Variants in RIMS2 observed in about 807,000 individuals in gnomAD.
RIMS2 encodes regulating synaptic membrane exocytosis protein 2.
In RIMS2, 59 loss-of-function variants were observed where a neutral mutation model predicts 174.4. That is an observed-to-expected ratio of 0.34 (90% CI 0.27 to 0.42). RIMS2 has a LOEUF of 0.42. Among genes scored for constraint, RIMS2 ranks in the 10% least tolerant of loss-of-function variants. The probability of loss-of-function intolerance (pLI) is 1.00; values close to 1 mark genes in which losing one functional copy is unlikely to be tolerated. For synonymous variants in RIMS2, 606 were observed against 572.5 expected (o/e 1.06, Z -0.84); for missense variants, 1,620 against 1,666.3 (o/e 0.97, Z 0.48).
intron 3 of RIMS2, among the ~76,000 whole-genome samples, chr8:103,871,972 A>C (rs1393031590): frequency 6.6e-6 from 1 of 152,206 alleles, no homozygotes; most frequent in Non-Finnish European, 1.5e-5. Flanking sequence ...CAGCATTAGC[A>C]GTATGGCTAC....
At chr8:103,547,096 G>T (rs762413280) in intron 1 of RIMS2, among the ~76,000 whole-genome samples, 1 of 152,184 alleles carries the variant, frequency 6.6e-6, no homozygotes, top group Non-Finnish European at 1.5e-5. Context: ...TTAGTTTACA[G>T]AGGTAAAAGA....
chr8:104,203,249 A>G (rs944063609), intron 19 of RIMS2, among the ~76,000 whole-genome samples: 1 of 152,158 alleles, frequency 6.6e-6, no homozygotes, highest in African/African-American at 2.4e-5. Context: ...AAATGTTATC[A>G]TGTATTATGT....
At chr8:104,032,832 A>G (rs574668318) in intron 19 of RIMS2, among the ~76,000 whole-genome samples, 62 of 152,158 alleles carry the variant, frequency 4.1e-4, no homozygotes, top group African/African-American at 1.4e-3. Flanking sequence ...TTTAACAAGT[A>G]TTTGTTGCCA....
intron 11 of RIMS2, 61 bp from the exon 14 acceptor site, chr8:103,931,202 G>T (rs2079861879): frequency 7.9e-7 from 1 of 1,264,872 alleles, no homozygotes; most frequent in African/African-American, 1.5e-5. Flanking sequence ...GATTGGAAAA[G>T]TAAACATTGT....
intron 2 of RIMS2, among the ~76,000 whole-genome samples, chr8:103,707,987 A>G (rs757556007): frequency 3.9e-5 from 6 of 152,032 alleles, no homozygotes; most frequent in Non-Finnish European, 8.8e-5. Context: ...TTGTAAGAAA[A>G]AGTTTCCTCT....
intron 3 of RIMS2, among the ~76,000 whole-genome samples, chr8:103,852,609 C>T (rs2099005323): frequency 2.0e-5 from 3 of 151,768 alleles, no homozygotes; most frequent in Admixed American, 6.6e-5. Flanking sequence ...TGTTTATGTC[C>T]ATGGGTGTTC....
At chr8:103,886,953 C>T (rs1293021370) in intron 4 of RIMS2, among the ~76,000 whole-genome samples, 2 of 151,588 alleles carry the variant, frequency 1.3e-5, no homozygotes, top group African/African-American at 4.8e-5. Flanking sequence ...TACTTTTTGC[C>T]TACATCTCTT....
intron 2 of RIMS2, among the ~76,000 whole-genome samples, chr8:103,715,382 G>A (rs1332118345): frequency 6.6e-6 from 1 of 151,924 alleles, no homozygotes; most frequent in Non-Finnish European, 1.5e-5. Flanking sequence ...CCCTCCCTGT[G>A]TCCATGTGTT....
At chr8:103,770,422 A>G (rs1277252200) in intron 3 of RIMS2, among the ~76,000 whole-genome samples, 1 of 152,328 alleles carries the variant, frequency 6.6e-6, no homozygotes, top group East Asian at 1.9e-4. Flanking sequence ...CTAAAAATAC[A>G]AAAATTAGCT....
At chr8:103,509,524 G>A (rs1476152979) in intron 1 of RIMS2, among the ~76,000 whole-genome samples, 1 of 152,084 alleles carries the variant, frequency 6.6e-6, no homozygotes, top group Non-Finnish European at 1.5e-5. Flanking sequence ...AATATAGAGA[G>A]GAGATTAGTT....
intron 21 of RIMS2, among the ~76,000 whole-genome samples, chr8:104,249,084 A>C (rs1018902197): frequency 2.0e-5 from 3 of 146,590 alleles, no homozygotes; most frequent in Non-Finnish European, 4.5e-5. Flanking sequence ...ACACGCCACC[A>C]TAACCAGCAA....
chr8:103,625,595 G>A (rs544771891), intron 1 of RIMS2, among the ~76,000 whole-genome samples: 5 of 152,122 alleles, frequency 3.3e-5, no homozygotes, highest in East Asian at 3.9e-4. Context: ...GATAAAGACC[G>A]TTTAACATAG....
At chr8:103,807,794 A>G (rs998898598) in intron 3 of RIMS2, among the ~76,000 whole-genome samples, 1 of 152,044 alleles carries the variant, frequency 6.6e-6, no homozygotes, top group Non-Finnish European at 1.5e-5. Flanking sequence ...TTTCTTTTCT[A>G]TTTTCACATT....
At chr8:103,595,956 C>A (rs2094464293) in intron 1 of RIMS2, among the ~76,000 whole-genome samples, 1 of 151,800 alleles carries the variant, frequency 6.6e-6, no homozygotes, top group Non-Finnish European at 1.5e-5. Flanking sequence ...TTCAATATTT[C>A]TCTCTCTTAC....
At chr8:103,942,167 C>T (rs1472492701) in intron 13 of RIMS2, among the ~76,000 whole-genome samples, 1 of 152,126 alleles carries the variant, frequency 6.6e-6, no homozygotes, top group East Asian at 1.9e-4. Context: ...CCGGTAGGCC[C>T]CAGTACGTGT....
chr8:103,789,813 G>A (rs1309168535), intron 3 of RIMS2, among the ~76,000 whole-genome samples: 2 of 144,426 alleles, frequency 1.4e-5, no homozygotes, highest in Non-Finnish European at 3.0e-5. Context: ...GAGGACGGTA[G>A]CACAGTCATG....
intron 1 of RIMS2, among the ~76,000 whole-genome samples, chr8:103,604,811 G>T (rs1282660860): frequency 9.7e-6 from 1 of 103,112 alleles, no homozygotes; most frequent in Non-Finnish European, 1.9e-5. Context: ...GTCTGTTGTT[G>T]GTGTATAAGA....
At chr8:104,056,718 C>T (rs1050975345) in intron 19 of RIMS2, among the ~76,000 whole-genome samples, 1 of 151,950 alleles carries the variant, frequency 6.6e-6, no homozygotes, top group Non-Finnish European at 1.5e-5. Flanking sequence ...CTCGTCTCTA[C>T]TAAAAATAAA....
At chr8:103,608,893 G>A (rs965321767) in intron 1 of RIMS2, among the ~76,000 whole-genome samples, 4 of 152,200 alleles carry the variant, frequency 2.6e-5, no homozygotes, top group Non-Finnish European at 4.4e-5. Flanking sequence ...CCACTGTCTG[G>A]CACTCCCTAG....
Sources: gnomAD v4.1 joint callset for allele counts (sites outside exome capture counted in the v4.1 genomes callset) on GRCh38, gnomAD v4.1.1 for gene constraint, MANE v1.5 for transcripts, NCBI Gene and HGNC (gene_info 2026-07-23, HGNC 2026-07-21) for gene names.